GXYLT1: variants seen among roughly 807,000 people sequenced by gnomAD.
The protein encoded by GXYLT1 is glycosyltransferase 8 domain containing 3.
GXYLT1 carries 29 observed loss-of-function variants against 54.0 expected under a neutral mutation model. The observed-to-expected ratio is 0.54, with a 90% CI of 0.40 to 0.73. GXYLT1 has a LOEUF of 0.73. GXYLT1 is among the 30% of genes least tolerant of loss of function. The pLI is 0.00. For missense variants in GXYLT1, 490 were observed against 553.4 expected (o/e 0.89, Z 1.15); for synonymous variants, 176 against 204.1 (o/e 0.86, Z 1.17).
intron 4 of GXYLT1, among the ~76,000 whole-genome samples, chr12:42,106,304 A>C (rs574465709): frequency 7.1e-4 from 108 of 152,226 alleles, no homozygotes; most frequent in Non-Finnish European, 9.7e-4. Context: ...CAAAATACTC[A>C]ATTATAAAAA....
At chr12:42,117,097 G>C (rs1231233776) in intron 3 of GXYLT1, among the ~76,000 whole-genome samples, 2 of 140,672 alleles carry the variant, frequency 1.4e-5, no homozygotes, top group Non-Finnish European at 3.1e-5. Flanking sequence ...ATGGACACAG[G>C]AAGGGGAACA....
Position 42,135,642 on chromosome 12 carries a change from A to G in GXYLT1, c.222-5791T>C, listed in dbSNP as rs73280101. 8.7e-3 allele frequency among the ~76,000 whole-genome samples: 1,321 copies of G among 152,378 alleles called. 24 individuals are homozygous for G. The highest frequency in any genetic ancestry group is 0.029 in the African/African-American group (1,220 of 41,590). ...ATTTGTCCATAAAAAGGAATGAAAT[A>G]TAGTGATACACGCTACAGTGGATAA... On this transcript the variant is annotated intron_variant, in intron 1 of 7. Transcript: ENST00000398675.
At chr12:42,100,082 T>C (rs988259617) in intron 5 of GXYLT1, among the ~76,000 whole-genome samples, 1 of 152,300 alleles carries the variant, frequency 6.6e-6, no homozygotes, top group East Asian at 1.9e-4. Context: ...TCAAAACTTG[T>C]TATTTGAAAA....
In GXYLT1 at chr12:42,097,491, TG is replaced by T; in HGVS notation, c.1111del (p.His371MetfsTer15). 6.2e-7 allele frequency: 1 copy of T among 1,605,482 alleles called. No individual in the cohort carries two copies. The highest frequency in any genetic ancestry group is 8.5e-7 in the Non-Finnish European group (1 of 1,177,846). On this transcript the variant is annotated frameshift_variant, in exon 7 of 8. Transcript: ENST00000398675. LOFTEE classifies it high-confidence loss of function. ...FILHGNRGVY[H>X]DDKQPAFRAV... ...TCTAAATGCTGGTTGCTTATCGTCATGGTAAACACCTCTGTTCCCATGAAGA... is the reference window on the plus strand; with the variant it reads ...TCTAAATGCTGGTTGCTTATCGTCATGTAAACACCTCTGTTCCCATGAAGA...
In GXYLT1 at chr12:42,087,773, C is replaced by T. The variant is rs922529875; in HGVS notation, c.*13G>A. The stretch of plus-strand genomic sequence containing the variant: ...CTTTGTTTTCATCCATTTGATTAAG[C>T]AGTCACCAAGAATCACTTTTCCTTT... On this transcript the variant is annotated 3_prime_UTR_variant, in exon 8 of 8. Coordinates refer to ENST00000398675, the MANE Select transcript of GXYLT1 (RefSeq NM_173601.2). The T allele has an allele frequency of 1.9e-6, 3 of 1,566,962 alleles. No individual in the cohort carries two copies. Among genetic ancestry groups the T allele is most frequent in the African/African-American group, 1.4e-5 (1 of 73,462 alleles).
chr12:42,105,391 G>GT, intron 5 of GXYLT1, among the ~76,000 whole-genome samples: 1 of 152,178 alleles, frequency 6.6e-6, no homozygotes, highest in Non-Finnish European at 1.5e-5. Context: ...GACATTGGTA[G>GT]TGCTATCATT....
chr12:42,141,131 C>T (rs775048244), intron 1 of GXYLT1, among the ~76,000 whole-genome samples: 3 of 152,192 alleles, frequency 2.0e-5, no homozygotes, highest in Admixed American at 1.3e-4. Flanking sequence ...ACAGAGTCAA[C>T]AAATCAGAGT....
intron 1 of GXYLT1, among the ~76,000 whole-genome samples, chr12:42,141,271 T>C (rs759302954): frequency 6.6e-6 from 1 of 152,212 alleles, no homozygotes; most frequent in Non-Finnish European, 1.5e-5. Flanking sequence ...AAAAACCCCA[T>C]GAACAAAGTT....
chr12:42,105,306 A>G (rs548870807), intron 5 of GXYLT1, among the ~76,000 whole-genome samples: 10 of 152,340 alleles, frequency 6.6e-5, no homozygotes, highest in South Asian at 2.1e-4. Flanking sequence ...TTAACTTCCA[A>G]TAACACCATA....
At chr12:42,140,318 C>A (rs974933956) in intron 1 of GXYLT1, among the ~76,000 whole-genome samples, 2 of 151,094 alleles carry the variant, frequency 1.3e-5, no homozygotes, top group Non-Finnish European at 2.9e-5. Context: ...CTGGACCCCA[C>A]TGCCAGGGCA....
rs74586574 is a variant in GXYLT1 at position 42,085,033 on chromosome 12, G to C, written c.*2753C>G. On this transcript the variant is annotated 3_prime_UTR_variant, in exon 8 of 8. Transcript: ENST00000398675. ...GACCATTTATATGAAGATGGAATAC[G>C]TTCTCTAAGTTGTCCATCTATAATT... The C allele has an allele frequency of 3.1e-5, 3 of 95,426 alleles. No individual in the cohort carries two copies. Among genetic ancestry groups the C allele is most frequent in the Non-Finnish European group, 4.7e-5 (2 of 42,514 alleles). The allele number at this position is 95,426 out of a possible 1,614,324, so 5.9% of individuals were successfully genotyped here.
At chr12:42,131,031 T>A (rs1440263610) in intron 1 of GXYLT1, among the ~76,000 whole-genome samples, 1 of 152,198 alleles carries the variant, frequency 6.6e-6, no homozygotes, top group East Asian at 1.9e-4. Flanking sequence ...CACAGCCTAG[T>A]ATCATTATCT....
rs1235792165 is a variant in GXYLT1, at chr12:42,144,661, T to C, written c.-15A>G. 2.4e-6 allele frequency: 3 copies of C among 1,260,226 alleles called. No homozygotes were observed. The highest frequency in any genetic ancestry group is 3.2e-5 in the East Asian group (1 of 31,722). 78.1% of individuals were successfully genotyped at this position (1,260,226 alleles called of 1,614,324 possible). ...TAGCGCCGCATCGCCCCGGCCGCGC[T>C]CCTCCTTCGCCGCCGCCGCCGCGCC... is the stretch of plus-strand genomic sequence containing the variant. On this transcript the variant is annotated 5_prime_UTR_variant, in exon 1 of 8. Transcript: ENST00000398675.
intron 5 of GXYLT1, among the ~76,000 whole-genome samples, chr12:42,101,718 C>T (rs1451874988): frequency 6.6e-6 from 1 of 152,026 alleles, no homozygotes; most frequent in South Asian, 2.1e-4. Context: ...ATTACAGGCA[C>T]CTGCCACCAT....
chr12:42,126,073 C>CTT (rs35070036), intron 2 of GXYLT1, among the ~76,000 whole-genome samples: 20,985 of 135,044 alleles, frequency 0.16, 1,764 homozygotes, highest in Non-Finnish European at 0.18. Flanking sequence ...CCAGTAGGAA[C>CTT]TTTTTTTTTT....
intron 7 of GXYLT1, among the ~76,000 whole-genome samples, chr12:42,097,178 A>G (rs916124963): frequency 1.3e-5 from 2 of 152,108 alleles, no homozygotes; most frequent in African/African-American, 4.8e-5. Context: ...TTAAAAAAAA[A>G]AACTGAAGTT....
At chr12:42,100,554 G>T (rs1440720190) in intron 5 of GXYLT1, among the ~76,000 whole-genome samples, 1 of 144,022 alleles carries the variant, frequency 6.9e-6, no homozygotes. Flanking sequence ...CAGAATTCAT[G>T]AAAAAAAAAA....
chr12:42,112,788 G>A (rs2065466912), intron 3 of GXYLT1, among the ~76,000 whole-genome samples: 1 of 150,920 alleles, frequency 6.6e-6, no homozygotes, highest in South Asian at 2.1e-4. Context: ...GAAATACAGA[G>A]AACGCCACAA....
At chr12:42,103,373 T>A (rs2065401327) in intron 5 of GXYLT1, among the ~76,000 whole-genome samples, 1 of 152,242 alleles carries the variant, frequency 6.6e-6, no homozygotes, top group Admixed American at 6.5e-5. Flanking sequence ...ACCTTTGTCC[T>A]AAATTTTTAT....
Sources: gnomAD v4.1 joint callset for allele counts (sites outside exome capture counted in the v4.1 genomes callset) on GRCh38, gnomAD v4.1.1 for gene constraint, MANE v1.5 for transcripts, NCBI Gene and HGNC (gene_info 2026-07-23, HGNC 2026-07-21) for gene names.